Variants in NRF1 observed in about 807,000 individuals in gnomAD.
NRF1 encodes the protein alpha palindromic-binding protein.
In NRF1, 5 loss-of-function variants were observed where a neutral mutation model predicts 58.5. The observed-to-expected ratio is 0.09, with a 90% CI of 0.04 to 0.18. The LOEUF (loss-of-function observed/expected upper bound fraction) is 0.18. NRF1 is among the 10% of genes least tolerant of loss of function. NRF1 has a pLI of 1.00. For synonymous variants in NRF1, 224 were observed against 246.7 expected (o/e 0.91, Z 0.86); for missense variants, 288 against 657.7 (o/e 0.44, Z 6.15).
At chr7:129,718,290 CA>C (rs1449083202) in intron 9 of NRF1, among the ~76,000 whole-genome samples, 3 of 152,188 alleles carry the variant, frequency 2.0e-5, no homozygotes, top group African/African-American at 7.2e-5. Context: ...CCAGCTCTGT[CA>C]CTTACAAGCT....
chr7:129,721,406 G>T (rs1397292259), intron 9 of NRF1, among the ~76,000 whole-genome samples: 2 of 151,230 alleles, frequency 1.3e-5, no homozygotes, highest in African/African-American at 2.4e-5. Context: ...AGGAATTTTA[G>T]AATTTGTCTT....
At chr7:129,717,097 G>A in intron 8 of NRF1, 122 bp from the exon 9 acceptor site, 1 of 901,482 alleles carries the variant, frequency 1.1e-6, no homozygotes, top group Non-Finnish European at 1.7e-6. Flanking sequence ...GTATATTGCA[G>A]GTCATGTTAA....
intron 1 of NRF1, among the ~76,000 whole-genome samples, chr7:129,614,404 A>G (rs933979621): frequency 2.7e-5 from 4 of 149,514 alleles, no homozygotes; most frequent in Non-Finnish European, 4.4e-5. Flanking sequence ...GCATGAGCCA[A>G]TGCGCCTGGC....
rs117630488 is a variant in NRF1 at position 129,644,111 on chromosome 7, C to G, written c.-6-13235C>G. Among the ~76,000 whole-genome samples the G allele has an allele frequency of 7.5e-3, 1,142 of 152,288 alleles. 10 individuals are homozygous for G. The highest frequency in any genetic ancestry group is 0.011 in the Non-Finnish European group (724 of 68,028). The stretch of plus-strand genomic sequence containing the variant: ...TTTGTCTTCTCTGTGCTCCCTTAAC[C>G]CTTAGCAAATATCACTAGAATAGGA... On this transcript the variant is annotated intron_variant, in intron 1 of 10. Coordinates refer to ENST00000393232, the MANE Select transcript of NRF1 (RefSeq NM_005011.5).
chr7:129,637,783 A>G (rs1801200593), intron 1 of NRF1, among the ~76,000 whole-genome samples: 1 of 152,210 alleles, frequency 6.6e-6, no homozygotes, highest in Non-Finnish European at 1.5e-5. Context: ...CACAAGCTGC[A>G]TGCGGCCCAG....
chr7:129,755,557 A>G lies in NRF1; in HGVS notation c.*376A>G, dbSNP rs1165024893. ...AAAGTATATATATACATATATATAT[A>G]TATATATGTATGAAACCCGCATGGA... On this transcript the variant is annotated 3_prime_UTR_variant, in exon 11 of 11. Transcript: ENST00000393232. The surrounding 1 kb of genome is among the most constrained non-coding windows in gnomAD (Gnocchi z 5.8). 1 of 150,962 alleles carries G rather than the reference A, an allele frequency of 6.6e-6. No individual in the cohort carries two copies. The highest frequency in any genetic ancestry group is 2.4e-5 in the African/African-American group (1 of 41,108). 9.4% of individuals were successfully genotyped at this position (150,962 alleles called of 1,614,324 possible). A position where few individuals can be genotyped will look rare whatever the true frequency, so the allele number is the denominator to read the frequency against.
intron 1 of NRF1, among the ~76,000 whole-genome samples, chr7:129,645,666 T>C (rs1231365817): frequency 6.6e-6 from 1 of 152,182 alleles, no homozygotes; most frequent in African/African-American, 2.4e-5. Flanking sequence ...GTCAGTGTTA[T>C]TTCTATGAAG....
intron 7 of NRF1, among the ~76,000 whole-genome samples, chr7:129,711,263 T>C (rs912274752): frequency 6.6e-6 from 1 of 152,218 alleles, no homozygotes; most frequent in Non-Finnish European, 1.5e-5. Flanking sequence ...ATAGCTTTTC[T>C]CATATGGACT....
intron 2 of NRF1, among the ~76,000 whole-genome samples, chr7:129,658,678 G>C (rs1248651208): frequency 6.6e-6 from 1 of 151,202 alleles, no homozygotes; most frequent in East Asian, 1.9e-4. Flanking sequence ...AAATTTCTTA[G>C]AACACTTGCA....
intron 10 of NRF1, among the ~76,000 whole-genome samples, chr7:129,740,240 C>T (rs1474354698): frequency 6.6e-6 from 1 of 152,182 alleles, no homozygotes; most frequent in East Asian, 1.9e-4. Flanking sequence ...AGACTATAGT[C>T]CTACTCTCTT....
At chr7:129,645,286 C>T (rs1801380399) in intron 1 of NRF1, among the ~76,000 whole-genome samples, 1 of 152,160 alleles carries the variant, frequency 6.6e-6, no homozygotes, top group East Asian at 1.9e-4. Context: ...TGAAACTTCT[C>T]CAAGTTGCTA....
At chr7:129,698,771 C>G (rs1802754328) in intron 5 of NRF1, among the ~76,000 whole-genome samples, 1 of 152,108 alleles carries the variant, frequency 6.6e-6, no homozygotes. Context: ...CCAGGTGATG[C>G]CAATGCTGCT....
chr7:129,655,797 C>G (rs575353783), intron 1 of NRF1, among the ~76,000 whole-genome samples: 2 of 152,332 alleles, frequency 1.3e-5, no homozygotes, highest in East Asian at 3.8e-4. Flanking sequence ...GCTGGGATTA[C>G]AGGCGTGAGC....
At chr7:129,705,357 C>A (rs183134223) in intron 5 of NRF1, among the ~76,000 whole-genome samples, 4 of 152,018 alleles carry the variant, frequency 2.6e-5, no homozygotes, top group Admixed American at 2.0e-4. Context: ...GTTGAGCGAT[C>A]GTAGCTCACT....
At chr7:129,688,561 G>A (rs1005718786) in intron 4 of NRF1, among the ~76,000 whole-genome samples, 3 of 152,154 alleles carry the variant, frequency 2.0e-5, no homozygotes, top group African/African-American at 4.8e-5. Flanking sequence ...AACTAACTGT[G>A]ACTGGGTAAT....
chr7:129,619,486 GTGTGTATATATA>G lies in NRF1; in HGVS notation c.-7+7664_-7+7675del, dbSNP rs1440095219. The stretch of plus-strand genomic sequence containing the variant: ...TGTGTGTGTGTGTGTGTGTGTGTGT[GTGTGTATATATA>G]TATATATATATATATGTATTGTTTT... On this transcript the variant is annotated intron_variant, in intron 1 of 10. Transcript: ENST00000393232. Among the ~76,000 whole-genome samples, 40 of 32,326 alleles carry G rather than the reference GTGTGTATATATA, an allele frequency of 1.2e-3. 2 individuals are homozygous for G. Among genetic ancestry groups the G allele is most frequent in the Non-Finnish European group, 1.5e-3 (23 of 15,136 alleles). The allele number at this position is 32,326 out of a possible 152,430, so 21.2% of individuals were successfully genotyped here. A position where few individuals can be genotyped will look rare whatever the true frequency, so the allele number is the denominator to read the frequency against.
intron 2 of NRF1, among the ~76,000 whole-genome samples, chr7:129,666,352 A>G (rs1208863851): frequency 6.6e-6 from 1 of 152,180 alleles, no homozygotes; most frequent in African/African-American, 2.4e-5. Flanking sequence ...TGTCTGTATG[A>G]TTAAACAATA....
intron 10 of NRF1, among the ~76,000 whole-genome samples, chr7:129,743,603 T>G (rs1803900281): frequency 6.6e-6 from 1 of 152,234 alleles, no homozygotes; most frequent in South Asian, 2.1e-4. Context: ...TCTCAAGAAC[T>G]TAAATCATGT....
rs1289209499 is a variant in NRF1, at chr7:129,728,293, T to C, written c.1348+928T>C. On this transcript the variant is annotated intron_variant, in intron 10 of 10. Transcript: ENST00000393232. ...CAGCACTTTGGGAAGCCAAAGTGGGTGGATCACCTGAGGTCAGGAGTTCAA... is the reference window on the plus strand; with the variant it reads ...CAGCACTTTGGGAAGCCAAAGTGGGCGGATCACCTGAGGTCAGGAGTTCAA... Among the ~76,000 whole-genome samples the C allele has an allele frequency of 3.3e-5, 5 of 151,912 alleles. No individual in the cohort carries two copies. In the East Asian group the frequency reaches 9.7e-4, roughly 29 times the overall value.
Sources: allele counts gnomAD v4.1 joint callset (sites outside exome capture counted in the v4.1 genomes callset), GRCh38; gene constraint gnomAD v4.1.1; non-coding constraint Gnocchi (gnomAD v3.1); transcripts MANE v1.5; gene names NCBI Gene and HGNC (gene_info 2026-07-23, HGNC 2026-07-21).